Variants in COL20A1 observed in about 807,000 individuals in gnomAD.
The protein encoded by COL20A1 is collagen type XX alpha 1 chain.
In COL20A1, 164 loss-of-function variants were observed where a neutral mutation model predicts 152.9. The observed-to-expected ratio is 1.07, with a 90% CI of 0.94 to 1.22. COL20A1 has a LOEUF of 1.22. Ranked by LOEUF, COL20A1 falls within the 50% of genes most tolerant of loss-of-function variation. COL20A1 has a pLI of 0.00. For missense variants in COL20A1, 1,873 were observed against 1,744.8 expected, an observed-to-expected ratio of 1.07 and a Z score of -1.31; for synonymous variants, 864 against 756.0, an observed-to-expected ratio of 1.14 and a Z score of -2.34.
rs950644007 is a variant in COL20A1 at position 63,295,027 on chromosome 20, C to T, written c.-10-71C>T. 4 of 981,090 alleles carry T rather than the reference C, an allele frequency of 4.1e-6. No homozygotes were observed. The African/African-American group carries it at 6.5e-5, about 16-fold the overall frequency. 60.8% of individuals were successfully genotyped at this position (981,090 alleles called of 1,614,324 possible). ...CCTGGCCCTCGAGGATTTGGAGAAG[C>T]TCTGGCGTTGTGGTCAGGGAGAGGA... On this transcript the variant is annotated intron_variant, in intron 1 of 35. Coordinates refer to ENST00000358894, the MANE Select transcript of COL20A1 (RefSeq NM_020882.4).
chr20:63,333,539 G>T lies in COL20A1; in HGVS notation c.*2823G>T, dbSNP rs149688173. ...TGGCTCTGCCTGAGGCCCCAAGAGCGACCTTGGAAGCTCCAGGCCTTCACA... is the reference window on the plus strand; with the variant it reads ...TGGCTCTGCCTGAGGCCCCAAGAGCTACCTTGGAAGCTCCAGGCCTTCACA... On this transcript the variant is annotated 3_prime_UTR_variant, in exon 36 of 36. Coordinates refer to ENST00000358894, the MANE Select transcript of COL20A1 (RefSeq NM_020882.4). 2.0e-5 allele frequency: 3 copies of T among 152,210 alleles called. No homozygotes were observed. Among genetic ancestry groups the T allele is most frequent in the Non-Finnish European group, 2.9e-5 (2 of 68,034 alleles). 9.4% of individuals were successfully genotyped at this position (152,210 alleles called of 1,614,324 possible).
rs553431095 is a variant in COL20A1, at chr20:63,299,207, G to A, written c.193+1187G>A. On this transcript the variant is annotated intron_variant, in intron 3 of 35. Coordinates refer to ENST00000358894, the MANE Select transcript of COL20A1 (RefSeq NM_020882.4). ...GTGTAGACGCCGTGTGAGGGATCCCGCGTGTGTTTCTGGTGTCCGTGCGCC... is the reference window on the plus strand; with the variant it reads ...GTGTAGACGCCGTGTGAGGGATCCCACGTGTGTTTCTGGTGTCCGTGCGCC... Among the ~76,000 whole-genome samples the A allele has an allele frequency of 2.8e-4, 43 of 152,306 alleles. No homozygotes were observed. The East Asian group carries it at 4.4e-3, about 16-fold the overall frequency.
rs540834802 is a variant in COL20A1, at chr20:63,320,144, G to A, written c.3022G>A (p.Val1008Ile). 17 of 1,550,082 alleles carry A rather than the reference G, an allele frequency of 1.1e-5. No individual in the cohort carries two copies. Among genetic ancestry groups the A allele is most frequent in the East Asian group, 4.9e-5 (2 of 41,236 alleles). ...GGGCAGCCCACCCGCTGCGGGCTTC[G>A]TCACGCTGGGGAGGCTGGCCAAGGC... ...EMGSPPAAGF[V>I]TLGRLAKARG... The change falls in exon 24 of 36, where the codon GTC becomes ATC. Residue 1008 changes from valine (V) to isoleucine (I), a missense_variant. Coordinates refer to ENST00000358894, the MANE Select transcript of COL20A1 (RefSeq NM_020882.4).
chr20:63,310,851 A>T (rs562626575), intron 11 of COL20A1, among the ~76,000 whole-genome samples: 5 of 152,232 alleles, frequency 3.3e-5, no homozygotes, highest in African/African-American at 1.2e-4. Context: ...AGGGACTGCC[A>T]TGAGCCCGTC....
chr20:63,316,324 G>T (rs1769548125), intron 20 of COL20A1, among the ~76,000 whole-genome samples: 1 of 152,068 alleles, frequency 6.6e-6, no homozygotes, highest in Admixed American at 6.5e-5. Flanking sequence ...CAGTGTGTTG[G>T]ATTCCCCTGG....
chr20:63,321,306 G>A (rs1452957645), intron 26 of COL20A1, among the ~76,000 whole-genome samples: 1 of 152,108 alleles, frequency 6.6e-6, no homozygotes, highest in Non-Finnish European at 1.5e-5. Context: ...CCTTCCCCCA[G>A]GCTGGGCCTC....
At position 63,308,659 on chromosome 20, in the gene COL20A1, C is replaced by T. The variant is rs751802659; in HGVS notation, c.893C>T (p.Thr298Ile). 6.2e-7 allele frequency: 1 copy of T among 1,607,912 alleles called. No homozygotes were observed. The highest frequency in any genetic ancestry group is 8.5e-7 in the Non-Finnish European group (1 of 1,177,708). ...GGCAAGTCCCAGGACGATGTGCACA[C>T]TGCTGCCCGTGTCCTCAAGGACCTG... ...TDGKSQDDVH[T>I]AARVLKDLGV... Residue 298 changes from threonine to isoleucine, a missense_variant, in exon 8 of 36, where the codon ACT becomes ATT. Physicochemically the swap from Thr to Ile is moderately conservative, Grantham distance 89. Coordinates refer to ENST00000358894, the MANE Select transcript of COL20A1 (RefSeq NM_020882.4).
chr20:63,307,645 G>A lies in COL20A1; in HGVS notation c.652G>A (p.Val218Ile), dbSNP rs2067944484. The A allele has an allele frequency of 1.2e-6, 2 of 1,611,938 alleles. No homozygotes were observed. The highest frequency in any genetic ancestry group is 1.1e-5 in the South Asian group (1 of 91,064). ...TGAAATCGGGCCGGATAAGGTCCAA[G>A]TAGGTGGGTGCTGGCCCGGCCCGCC... ...PFEIGPDKVQ[V>I]GLTQYSGDAQ... The change falls in exon 6 of 36, where the codon GTA (valine) becomes ATA (isoleucine). Residue 218 changes from valine to isoleucine, a missense_variant. Val to Ile is a conservative substitution (Grantham distance 29). Coordinates refer to ENST00000358894, the MANE Select transcript of COL20A1 (RefSeq NM_020882.4).
intron 34 of COL20A1, 55 bp downstream of exon 34, chr20:63,328,553 G>A (rs1418429567): frequency 3.3e-6 from 5 of 1,513,446 alleles, no homozygotes; most frequent in Admixed American, 1.9e-5. Flanking sequence ...GGCGCCGGTT[G>A]TCCCCTGGTC....
chr20:63,309,351 A>C lies in COL20A1; in HGVS notation c.959A>C (p.Glu320Ala). The C allele has an allele frequency of 1.3e-6, 2 of 1,513,614 alleles. No homozygotes were observed. Among genetic ancestry groups the C allele is most frequent in the Non-Finnish European group, 1.8e-6 (2 of 1,124,664 alleles). The allele number at this position is 1,513,614 out of a possible 1,614,324, so 93.8% of individuals were successfully genotyped here. The change falls in exon 9 of 36, where the codon GAG becomes GCG. Residue 320 changes from glutamate to alanine, a missense_variant. Glu to Ala is a moderately radical substitution (Grantham distance 107, BLOSUM62 -1). Transcript: ENST00000358894. The part of the protein sequence containing the change: ...VFAVGVKNAD[E>A]AELRLLASPP... ...CGAGCAGGTGTGAAGAACGCCGATG[A>C]GGCTGAGCTGAGGCTCCTGGCGTCC...
intron 21 of COL20A1, among the ~76,000 whole-genome samples, chr20:63,317,905 C>T (rs570466368): frequency 2.6e-4 from 40 of 152,134 alleles, no homozygotes; most frequent in African/African-American, 7.9e-4. Context: ...CTCAGGTGCA[C>T]GTACTGAGCT....
At chr20:63,297,868 G>T (rs369961335) in intron 2 of COL20A1, 42 bp from the exon 3 acceptor site, 205 of 1,499,598 alleles carry the variant, frequency 1.4e-4, no homozygotes, top group Non-Finnish European at 1.7e-4. Flanking sequence ...AGGTGGATGG[G>T]GAGGCCAGGT....
intron 2 of COL20A1, among the ~76,000 whole-genome samples, chr20:63,297,677 C>T (rs1568762091): frequency 6.6e-6 from 1 of 152,230 alleles, no homozygotes; most frequent in African/African-American, 2.4e-5. Flanking sequence ...GGCCCTGTGA[C>T]TGCGGACCCC....
Position 63,311,968 on chromosome 20 carries a change from G to T in COL20A1, c.1716G>T (p.Ala572=). The change falls in exon 14 of 36, where the codon GCG becomes GCT. Residue 572 remains alanine (A), a synonymous_variant. Transcript: ENST00000358894. The surrounding 1 kb of genome is among the most constrained non-coding windows in gnomAD (Gnocchi z 4.4). ...HLGFSDVSHD[A]ARVFWEGAPR... is the part of the protein sequence containing the mutation. ...GCTTCTCAGACGTGAGCCACGACGCGGCACGAGTGTTCTGGGAGGGTGCCC... is the reference window on the plus strand; with the variant it reads ...GCTTCTCAGACGTGAGCCACGACGCTGCACGAGTGTTCTGGGAGGGTGCCC... 6.3e-7 allele frequency: 1 copy of T among 1,598,520 alleles called. No individual in the cohort carries two copies.
chr20:63,326,596 C>T (rs2068252975), intron 30 of COL20A1, among the ~76,000 whole-genome samples, 156 bp from the exon 31 acceptor site: 1 of 152,112 alleles, frequency 6.6e-6, no homozygotes. Flanking sequence ...GGAGGCACCA[C>T]CTGCCGGAGG....
rs1299032883 is a variant in COL20A1, at chr20:63,302,071, G to C, written c.194-3346G>C. Among the ~76,000 whole-genome samples, 3 of 152,128 alleles carry C rather than the reference G, an allele frequency of 2.0e-5. No homozygotes were observed. The South Asian group carries it at 6.2e-4, about 32-fold the overall frequency. On this transcript the variant is annotated intron_variant, in intron 3 of 35. Transcript: ENST00000358894. The stretch of plus-strand genomic sequence containing the variant: ...TGAAACCTCATGTTTTCATGATGCA[G>C]CTTTCAGCAATTATCAGCGTGCGGC...
At chr20:63,326,872 A>G in intron 31 of COL20A1, 49 bp downstream of exon 31, 1 of 1,358,532 alleles carries the variant, frequency 7.4e-7, no homozygotes. Flanking sequence ...GGGGGAGCGA[A>G]GGGTGCAAGC....
At chr20:63,315,681 G>A (rs79434650) in intron 20 of COL20A1, among the ~76,000 whole-genome samples, 3,068 of 152,308 alleles carry the variant, frequency 0.02, 52 homozygotes, top group Middle Eastern at 0.048. Flanking sequence ...CCCAGGCAGC[G>A]CTGGGGGCGC....
At position 63,306,862 on chromosome 20, in the gene COL20A1, C is replaced by T. The variant is rs952387541; in HGVS notation, c.497-628C>T. On this transcript the variant is annotated intron_variant, in intron 5 of 35. Coordinates refer to ENST00000358894, the MANE Select transcript of COL20A1 (RefSeq NM_020882.4). This position sits in a 1 kb window ranked among gnomAD's most constrained non-coding sequence, Gnocchi z 6.9. Reference sequence around the variant, plus strand: ...ATCCCCTCCAGAGGGTCCTCGGGTCCGCTGCTGTCCTCCCCTCAGGGTGCT... The same window carrying T: ...ATCCCCTCCAGAGGGTCCTCGGGTCTGCTGCTGTCCTCCCCTCAGGGTGCT... Among the ~76,000 whole-genome samples, 9 of 152,210 alleles carry T rather than the reference C, an allele frequency of 5.9e-5. No homozygotes were observed. The highest frequency in any genetic ancestry group is 1.9e-4 in the East Asian group (1 of 5,194).
Sources: allele counts gnomAD v4.1 joint callset (sites outside exome capture counted in the v4.1 genomes callset), GRCh38; gene constraint gnomAD v4.1.1; non-coding constraint Gnocchi (gnomAD v3.1); transcripts MANE v1.5; gene names NCBI Gene and HGNC (gene_info 2026-07-23, HGNC 2026-07-21).